The following CDKL5 variants were observed in gnomAD, a reference collection of about 807,000 sequenced individuals.
CDKL5 encodes cyclin-dependent kinase-like 5.
CDKL5 carries 8 observed loss-of-function variants against 61.7 expected under a neutral mutation model. The ratio of observed to expected loss-of-function variants is 0.13; its 90% CI spans 0.08 to 0.23. CDKL5 has a LOEUF of 0.23. Ranked by LOEUF, CDKL5 falls within the 10% of genes least tolerant of loss-of-function variation. The probability of loss-of-function intolerance (pLI) is 1.00; values close to 1 mark genes in which losing one functional copy is unlikely to be tolerated. For synonymous variants in CDKL5, 275 were observed against 272.3 expected, an observed-to-expected ratio of 1.01 and a Z score of -0.10; for missense variants, 440 against 734.5, an observed-to-expected ratio of 0.60 and a Z score of 4.63.
chrX:18,445,134 A>G (rs1931845222), intron 1 of CDKL5, among the ~76,000 whole-genome samples: 1 of 105,000 alleles, frequency 9.5e-6, no homozygotes, highest in East Asian at 3.0e-4. Flanking sequence ...CTGGAGTGCA[A>G]TGGCACGATC....
intron 17 of CDKL5, 134 bp from the exon 18 acceptor site, chrX:18,628,237 T>C (rs190069891): frequency 3.3e-6 from 2 of 613,774 alleles, no homozygotes; most frequent in Non-Finnish European, 5.6e-6. Flanking sequence ...CAGATATGGC[T>C]GGACCGGCTC....
chrX:18,534,769 A>G (rs1330078542), intron 3 of CDKL5, among the ~76,000 whole-genome samples: 1 of 112,142 alleles, frequency 8.9e-6, no homozygotes, highest in Non-Finnish European at 1.9e-5. Flanking sequence ...AGATTTGTCT[A>G]TTTTGTTCCT....
Position 18,630,725 on chromosome X carries a change from G to T in CDKL5, c.*1968G>T. The T allele has an allele frequency of 1.3e-6, 1 of 748,886 alleles. No individual in the cohort carries two copies. The highest frequency in any genetic ancestry group is 1.6e-6 in the Non-Finnish European group (1 of 635,768). The allele number at this position is 748,886 out of a possible 1,213,427, so 61.7% of individuals were successfully genotyped here. On this transcript the variant is annotated 3_prime_UTR_variant, in exon 18 of 18. Transcript: ENST00000623535. ...TAGGCACTAAAATGAAACTCGACTGGGTACTATTACTGAAAAAATTTGACT... is the reference window on the plus strand; with the variant it reads ...TAGGCACTAAAATGAAACTCGACTGTGTACTATTACTGAAAAAATTTGACT...
intron 3 of CDKL5, among the ~76,000 whole-genome samples, chrX:18,516,685 C>G (rs998468437): frequency 9.0e-6 from 1 of 110,647 alleles, no homozygotes; most frequent in Non-Finnish European, 1.9e-5. Flanking sequence ...CTTGTGTTGT[C>G]TTTTTATCTA....
intron 5 of CDKL5, among the ~76,000 whole-genome samples, chrX:18,576,146 G>A (rs765929749): frequency 1.3e-4 from 14 of 111,522 alleles, no homozygotes; most frequent in Non-Finnish European, 2.5e-4. Context: ...TCTTGGAGAG[G>A]GGCCTGGTGC....
intron 1 of CDKL5, among the ~76,000 whole-genome samples, chrX:18,479,534 T>TG (rs1418806523): frequency 9.1e-6 from 1 of 109,540 alleles, no homozygotes; most frequent in Non-Finnish European, 1.9e-5. Context: ...TTAGCCAGGA[T>TG]GGTCTCGATC....
intron 3 of CDKL5, among the ~76,000 whole-genome samples, chrX:18,530,211 A>G (rs758907232): frequency 4.3e-3 from 461 of 107,957 alleles, no homozygotes; most frequent in Non-Finnish European, 7.0e-3. Context: ...GCACGCCTGT[A>G]ATCCCAGCTA....
Position 18,639,213 on chromosome X carries a change from C to T in CDKL5, c.*10456C>T, listed in dbSNP as rs1476104545. Among the ~76,000 whole-genome samples the T allele has an allele frequency of 8.9e-6, 1 of 111,971 alleles. No individual in the cohort carries two copies. Among genetic ancestry groups the T allele is most frequent in the Non-Finnish European group, 1.9e-5 (1 of 53,224 alleles). On this transcript the variant is annotated 3_prime_UTR_variant, in exon 18 of 18. Coordinates refer to ENST00000623535, the MANE Select transcript of CDKL5 (RefSeq NM_001323289.2). Reference sequence around the variant, plus strand: ...TTCATCAAATATTTAAAATTTTGTGCTTAAGAGGACTCTATCGAGAGGGTT... The same window carrying T: ...TTCATCAAATATTTAAAATTTTGTGTTTAAGAGGACTCTATCGAGAGGGTT...
At chrX:18,627,480 C>T (rs1438545219) in intron 17 of CDKL5, 4 of 111,408 alleles carry the variant, frequency 3.6e-5, no homozygotes, top group Admixed American at 9.5e-5. Context: ...ATGTCTCTTC[C>T]GAGATCGAGG....
At chrX:18,510,774 G>C (rs907569051) in intron 2 of CDKL5, 46 bp from the exon 3 acceptor site, 1 of 1,076,582 alleles carries the variant, frequency 9.3e-7, no homozygotes, top group African/African-American at 1.8e-5. Context: ...GCAGAGCTTT[G>C]TAGTTTGTAT....
intron 17 of CDKL5, chrX:18,627,794 CAA>C (rs60267091): frequency 0.02 from 800 of 39,100 alleles, 10 homozygotes; most frequent in African/African-American, 0.056. Context: ...AAAAAAAAAG[CAA>C]AAAAAAAAAA....
Position 18,539,748 on chromosome X carries a change from T to G in CDKL5, c.100-24729T>G, listed in dbSNP as rs755732850. Among the ~76,000 whole-genome samples the G allele has an allele frequency of 4.5e-5, 5 of 112,028 alleles. 1 individual carries two copies. The South Asian group carries it at 1.9e-3, about 42-fold the overall frequency. On this transcript the variant is annotated intron_variant, in intron 3 of 17. Transcript: ENST00000623535. ...GTTGGGTTTCATTTTCTTATTTTTT[T>G]GTCTTCAGGAAGTTTTAGGATTCCA...
intron 15 of CDKL5, among the ~76,000 whole-genome samples, chrX:18,614,799 A>G (rs184268541): frequency 1.8e-5 from 2 of 112,645 alleles, no homozygotes; most frequent in East Asian, 2.8e-4. Context: ...TTGATAAGTC[A>G]TGACAAAATT....
rs1012368476 is a variant in CDKL5 at position 18,464,766 on chromosome X, G to T, written c.-163+39071G>T. On this transcript the variant is annotated intron_variant, in intron 1 of 17. Coordinates refer to ENST00000623535, the MANE Select transcript of CDKL5 (RefSeq NM_001323289.2). Reference sequence around the variant, plus strand: ...AAGGTGAGGTCTACCCCAGGTTCAGGCAATAACAAAGTGCATTTTCTTTAG... The same window carrying T: ...AAGGTGAGGTCTACCCCAGGTTCAGTCAATAACAAAGTGCATTTTCTTTAG... Among the ~76,000 whole-genome samples, 4 of 111,512 alleles carry T rather than the reference G, an allele frequency of 3.6e-5. 1 individual carries two copies. In the Admixed American group the frequency reaches 3.9e-4, roughly 11 times the overall value.
chrX:18,448,349 T>A (rs761848580), intron 1 of CDKL5, among the ~76,000 whole-genome samples: 1 of 111,562 alleles, frequency 9.0e-6, no homozygotes, highest in East Asian at 2.8e-4. Flanking sequence ...AAGACTGAAT[T>A]CCCTTATTTT....
In CDKL5 at chrX:18,572,778, C is replaced by T. The variant is rs755866939; in HGVS notation, c.146-2576C>T. Among the ~76,000 whole-genome samples the T allele has an allele frequency of 3.6e-5, 4 of 112,115 alleles. No individual in the cohort carries two copies. In the South Asian group the frequency reaches 1.1e-3, roughly 31 times the overall value. ...CATGTAGGAAGAATGTATTGATCACCTCTCCTTGTGTCAGGTACAGTCCTG... is the reference window on the plus strand; with the variant it reads ...CATGTAGGAAGAATGTATTGATCACTTCTCCTTGTGTCAGGTACAGTCCTG... On this transcript the variant is annotated intron_variant, in intron 4 of 17. Transcript: ENST00000623535.
At chrX:18,431,069 G>A (rs1013378459) in intron 1 of CDKL5, among the ~76,000 whole-genome samples, 2 of 108,514 alleles carry the variant, frequency 1.8e-5, no homozygotes, top group Non-Finnish European at 3.8e-5. Flanking sequence ...TCACCATGTT[G>A]GCCAAGTGGT....
At chrX:18,548,280 C>A (rs764634753) in intron 3 of CDKL5, among the ~76,000 whole-genome samples, 26 of 110,473 alleles carry the variant, frequency 2.4e-4, no homozygotes, top group African/African-American at 8.6e-4. Context: ...AAAGATTGAC[C>A]AGATTATCTG....
chrX:18,622,982 C>T (rs1326379738), intron 16 of CDKL5, among the ~76,000 whole-genome samples: 2 of 111,969 alleles, frequency 1.8e-5, no homozygotes, highest in Admixed American at 9.5e-5. Flanking sequence ...TGAATACCTT[C>T]ATAGACATTC....
Sources: allele counts gnomAD v4.1 joint callset (sites outside exome capture counted in the v4.1 genomes callset), GRCh38; gene constraint gnomAD v4.1.1; transcripts MANE v1.5; gene names NCBI Gene and HGNC (gene_info 2026-07-23, HGNC 2026-07-21).